The following FUT9 variants were observed in gnomAD, a reference collection of about 807,000 sequenced individuals.
The protein encoded by FUT9 is fucosyltransferase 9, also known as 4-galactosyl-N-acetylglucosaminide 3-alpha-L-fucosyltransferase 9.
In FUT9, 15 loss-of-function variants were observed where a neutral mutation model predicts 29.7. That is an observed-to-expected ratio of 0.51 (90% confidence interval 0.34 to 0.78). The LOEUF (loss-of-function observed/expected upper bound fraction) is 0.78. Among genes scored for constraint, FUT9 ranks in the 30% least tolerant of loss-of-function variants. The probability of loss-of-function intolerance (pLI) is 0.01; values close to 1 mark genes in which losing one functional copy is unlikely to be tolerated. For missense variants in FUT9, 319 were observed against 425.4 expected, an observed-to-expected ratio of 0.75 and a Z score of 2.20; for synonymous variants, 169 against 153.7, an observed-to-expected ratio of 1.10 and a Z score of -0.74.
At chr6:96,017,981 C>A (rs1770007762) in intron 1 of FUT9, among the ~76,000 whole-genome samples, 1 of 152,084 alleles carries the variant, frequency 6.6e-6, no homozygotes, top group African/African-American at 2.4e-5. Context: ...CAAACTGTAT[C>A]TGAGATTTTA....
At position 96,096,533 on chromosome 6, in the gene FUT9, A is replaced by G. The variant is rs575071843; in HGVS notation, c.-97-17506A>G. On this transcript the variant is annotated intron_variant, in intron 1 of 2. Coordinates refer to ENST00000302103, the MANE Select transcript of FUT9 (RefSeq NM_006581.4). Reference sequence around the variant, plus strand: ...ACCTAATCTGTCCCATCACTCCCTTAATCTATCTAATCTTGTCTACAAGTT... The same window carrying G: ...ACCTAATCTGTCCCATCACTCCCTTGATCTATCTAATCTTGTCTACAAGTT... Among the ~76,000 whole-genome samples, 12 of 152,038 alleles carry G rather than the reference A, an allele frequency of 7.9e-5. No individual in the cohort carries two copies. The South Asian group carries it at 2.5e-3, about 32-fold the overall frequency.
At chr6:96,087,895 A>G (rs1318136456) in intron 1 of FUT9, among the ~76,000 whole-genome samples, 1 of 152,166 alleles carries the variant, frequency 6.6e-6, no homozygotes, top group Non-Finnish European at 1.5e-5. Context: ...GGCTTCCTTT[A>G]ACATATCTGG....
intron 2 of FUT9, among the ~76,000 whole-genome samples, chr6:96,174,758 T>C (rs1256510136): frequency 6.6e-6 from 1 of 152,078 alleles, no homozygotes; most frequent in African/African-American, 2.4e-5. Context: ...AAGATGGAAA[T>C]AAATGAAGGA....
intron 1 of FUT9, among the ~76,000 whole-genome samples, chr6:96,025,572 T>C (rs947433342): frequency 6.6e-6 from 1 of 151,550 alleles, no homozygotes; most frequent in Non-Finnish European, 1.5e-5. Context: ...ATAAGCGAGG[T>C]CGTGGTACAG....
rs578190663 is a variant in FUT9 at position 96,214,821 on chromosome 6, C to A, written c.*10586C>A. 4 of 166,978 alleles carry A rather than the reference C, an allele frequency of 2.4e-5. No homozygotes were observed. The highest frequency in any genetic ancestry group is 6.6e-5 in the Admixed American group (1 of 15,262). The allele number at this position is 166,978 out of a possible 1,614,324, so 10.3% of individuals were successfully genotyped here. On this transcript the variant is annotated 3_prime_UTR_variant, in exon 3 of 3. Coordinates refer to ENST00000302103, the MANE Select transcript of FUT9 (RefSeq NM_006581.4). Reference sequence around the variant, plus strand: ...TAAAATGATGGGAATCCTATTTATACATTTATTTATTTATTTATTTACAGA... The same window carrying A: ...TAAAATGATGGGAATCCTATTTATAAATTTATTTATTTATTTATTTACAGA...
intron 2 of FUT9, among the ~76,000 whole-genome samples, chr6:96,174,463 AC>A (rs574084649): frequency 4.6e-5 from 7 of 152,160 alleles, no homozygotes; most frequent in Non-Finnish European, 7.4e-5. Flanking sequence ...AAATAAAAAA[AC>A]ATCCCCACTG....
intron 2 of FUT9, among the ~76,000 whole-genome samples, chr6:96,172,550 T>A (rs1773131653): frequency 6.6e-6 from 1 of 152,022 alleles, no homozygotes; most frequent in Non-Finnish European, 1.5e-5. Flanking sequence ...TGCCCCTTTC[T>A]AGGAAATTAG....
At chr6:96,158,784 T>A (rs1312692250) in intron 2 of FUT9, among the ~76,000 whole-genome samples, 1 of 152,108 alleles carries the variant, frequency 6.6e-6, no homozygotes, top group African/African-American at 2.4e-5. Flanking sequence ...TTGAAACTCT[T>A]GCTTCTTTTT....
At chr6:96,046,773 T>A (rs1346695179) in intron 1 of FUT9, among the ~76,000 whole-genome samples, 8 of 152,220 alleles carry the variant, frequency 5.3e-5, no homozygotes, top group Non-Finnish European at 1.2e-4. Flanking sequence ...TGTACATCTG[T>A]TCCAAAATTC....
chr6:96,097,403 C>T (rs1191972458), intron 1 of FUT9, among the ~76,000 whole-genome samples: 1 of 152,046 alleles, frequency 6.6e-6, no homozygotes, highest in African/African-American at 2.4e-5. Flanking sequence ...AATATTTACA[C>T]CATGGAAATT....
intron 1 of FUT9, among the ~76,000 whole-genome samples, chr6:96,066,940 C>T (rs557656362): frequency 1.3e-5 from 2 of 151,880 alleles, no homozygotes; most frequent in Non-Finnish European, 2.9e-5. Flanking sequence ...ACATCATGGA[C>T]CCTAAAATAT....
At position 96,210,973 on chromosome 6, in the gene FUT9, T is replaced by C. The variant is rs1773926165; in HGVS notation, c.*6738T>C. On this transcript the variant is annotated 3_prime_UTR_variant, in exon 3 of 3. Transcript: ENST00000302103. ...AGGTGACTAGATATGTGTTCAAGTGTTATCTTTTATTCTTATAAAAGATAA... is the reference window on the plus strand; with the variant it reads ...AGGTGACTAGATATGTGTTCAAGTGCTATCTTTTATTCTTATAAAAGATAA... 6.0e-6 allele frequency: 1 copy of C among 166,900 alleles called. No individual in the cohort carries two copies. The highest frequency in any genetic ancestry group is 6.6e-5 in the Admixed American group (1 of 15,244). The allele number at this position is 166,900 out of a possible 1,614,324, so 10.3% of individuals were successfully genotyped here.
At chr6:96,183,506 T>A (rs1773347603) in intron 2 of FUT9, among the ~76,000 whole-genome samples, 1 of 152,110 alleles carries the variant, frequency 6.6e-6, no homozygotes, top group African/African-American at 2.4e-5. Flanking sequence ...AGAGTGGGCA[T>A]CCTTGTCTTG....
chr6:96,147,123 G>A (rs886649221), intron 2 of FUT9, among the ~76,000 whole-genome samples: 1 of 151,176 alleles, frequency 6.6e-6, no homozygotes, highest in Admixed American at 6.6e-5. Flanking sequence ...ATAGTAGCAC[G>A]ATCTTTTCTC....
chr6:96,135,599 G>A (rs1304207401), intron 2 of FUT9, among the ~76,000 whole-genome samples: 1 of 151,754 alleles, frequency 6.6e-6, no homozygotes, highest in East Asian at 1.9e-4. Context: ...ATAAAGACAT[G>A]CACAGCAAAT....
intron 1 of FUT9, among the ~76,000 whole-genome samples, chr6:96,050,593 C>A (rs1210002378): frequency 6.6e-6 from 1 of 152,168 alleles, no homozygotes; most frequent in African/African-American, 2.4e-5. Flanking sequence ...TATTTAAATG[C>A]CTATCCTCTC....
intron 2 of FUT9, among the ~76,000 whole-genome samples, chr6:96,171,002 T>C (rs1773103323): frequency 6.6e-6 from 1 of 152,230 alleles, no homozygotes; most frequent in Admixed American, 6.5e-5. Context: ...GCTGTAGTAC[T>C]TTTGAAAGCA....
At chr6:96,186,308 TC>T (rs1773405233) in intron 2 of FUT9, among the ~76,000 whole-genome samples, 1 of 152,146 alleles carries the variant, frequency 6.6e-6, no homozygotes, top group African/African-American at 2.4e-5. Flanking sequence ...TTTTATTTAA[TC>T]CCAGCAAAGC....
At chr6:96,081,362 T>C (rs1009450870) in intron 1 of FUT9, among the ~76,000 whole-genome samples, 1 of 151,762 alleles carries the variant, frequency 6.6e-6, no homozygotes, top group Non-Finnish European at 1.5e-5. Context: ...TTTGATTGTC[T>C]TTGAATTTTT....
Sources: gnomAD v4.1 joint callset for allele counts (sites outside exome capture counted in the v4.1 genomes callset) on GRCh38, gnomAD v4.1.1 for gene constraint, MANE v1.5 for transcripts, NCBI Gene and HGNC (gene_info 2026-07-23, HGNC 2026-07-21) for gene names.